The following SHISAL2A variants were observed in gnomAD, a reference collection of about 807,000 sequenced individuals.
The protein encoded by SHISAL2A is shisa like 2A.
A neutral mutation model predicts 11.5 loss-of-function variants in SHISAL2A; 18 were observed. That is an observed-to-expected ratio of 1.57 (90% CI 1.08 to 2.33). The LOEUF (loss-of-function observed/expected upper bound fraction) is 2.33. SHISAL2A is among the 30% of genes most tolerant of loss of function. The probability of loss-of-function intolerance (pLI) is 0.00; values close to 1 mark genes in which losing one functional copy is unlikely to be tolerated. For missense variants in SHISAL2A, 261 were observed against 250.9 expected, an observed-to-expected ratio of 1.04 and a Z score of -0.27; for synonymous variants, 94 against 99.6, an observed-to-expected ratio of 0.94 and a Z score of 0.34.
At chr1:52,657,716 G>A (rs1228027345), downstream of SHISAL2A, among the ~76,000 whole-genome samples, 6 of 152,162 alleles carry the variant, frequency 3.9e-5, no homozygotes, top group East Asian at 1.9e-4. Flanking sequence ...TTAGCCACAT[G>A]TGGTGGCTTA....
Position 52,642,919 on chromosome 1 carries a change from T to G in SHISAL2A, c.239T>G (p.Val80Gly). The change falls in exon 2 of 3, where the codon GTT becomes GGT. Residue 80 changes from valine (V) to glycine (G), a missense_variant. Physicochemically the swap from Val to Gly is moderately radical, Grantham distance 109. Transcript: ENST00000517870. ...GCAGTGGTTCTTCTCGCCTTCATTG[T>G]TACCGCCTGTGTGCTCTGCTACCTG... ...VAAVVLLAFI[V>G]TACVLCYLFI... 1.2e-6 allele frequency: 2 copies of G among 1,614,088 alleles called. No individual in the cohort carries two copies. The highest frequency in any genetic ancestry group is 1.7e-6 in the Non-Finnish European group (2 of 1,180,008).
At chr1:52,646,350 T>A (rs1691499664) in intron 2 of SHISAL2A, among the ~76,000 whole-genome samples, 2 of 152,164 alleles carry the variant, frequency 1.3e-5, no homozygotes, top group Admixed American at 6.6e-5. Flanking sequence ...TATAGGAATT[T>A]GTATAAAATG....
At chr1:52,659,041 GGT>G (rs141913792), downstream of SHISAL2A, among the ~76,000 whole-genome samples, 97,921 of 146,926 alleles carry the variant, frequency 0.67, 33,543 homozygotes, top group East Asian at 0.98. Context: ...TGGTGGTGGT[GGT>G]GTGTGTGTGT....
At chr1:52,640,564 G>A (rs1321099831) in intron 1 of SHISAL2A, among the ~76,000 whole-genome samples, 3 of 151,282 alleles carry the variant, frequency 2.0e-5, no homozygotes, top group Non-Finnish European at 4.4e-5. Context: ...CTGAAATCCC[G>A]CCTACCAGGG....
At chr1:52,655,142 C>T (rs900605790) in intron 2 of SHISAL2A, among the ~76,000 whole-genome samples, 1 of 151,728 alleles carries the variant, frequency 6.6e-6, no homozygotes, top group Admixed American at 6.6e-5. Context: ...GCTGAGATCA[C>T]GCCACTGCAC....
rs918776022 is a variant in SHISAL2A at position 52,649,239 on chromosome 1, T to G, written c.322+6237T>G. On this transcript the variant is annotated intron_variant, in intron 2 of 2. Transcript: ENST00000517870. ...ACTGTTGATAGACTTTCATTTCTGT[T>G]TGCTCTCTTGCGCTTCAATAGGACA... 1.1e-4 allele frequency among the ~76,000 whole-genome samples: 17 copies of G among 152,188 alleles called. 1 individual carries two copies. The highest frequency in any genetic ancestry group is 8.5e-4 in the Admixed American group (13 of 15,264).
chr1:52,667,279 G>A (rs60469040), intron 4 of SHISAL2A: 4,752 of 322,720 alleles, frequency 0.015, 218 homozygotes, highest in African/African-American at 0.1. Context: ...GTAAATGGGC[G>A]TAGTTAGTCA....
intron 1 of SHISAL2A, among the ~76,000 whole-genome samples, chr1:52,639,525 G>A (rs1373190639): frequency 2.0e-5 from 3 of 152,108 alleles, no homozygotes; most frequent in Admixed American, 6.5e-5. Flanking sequence ...AGGCCGAGGC[G>A]GGCGGATCAC....
At chr1:52,667,543 G>A (rs566672335) in exon 5 of SHISAL2A, 14 of 286,758 alleles carry the variant, frequency 4.9e-5, no homozygotes, top group African/African-American at 3.0e-4. Flanking sequence ...TCATTATGTT[G>A]CTTTTAGCTC....
chr1:52,644,737 G>A (rs1341957067), intron 2 of SHISAL2A, among the ~76,000 whole-genome samples: 1 of 149,874 alleles, frequency 6.7e-6, no homozygotes, highest in African/African-American at 2.5e-5. Flanking sequence ...AAAAAGTGGG[G>A]CCGGGTGCAG....
chr1:52,659,105 G>C (rs1212744926), downstream of SHISAL2A, among the ~76,000 whole-genome samples: 1 of 151,468 alleles, frequency 6.6e-6, no homozygotes, highest in Non-Finnish European at 1.5e-5. Flanking sequence ...GTCTCATTCT[G>C]TCACCAGGCT....
intron 4 of SHISAL2A, among the ~76,000 whole-genome samples, chr1:52,664,747 C>G (rs1279380560): frequency 6.6e-6 from 1 of 152,068 alleles, no homozygotes; most frequent in Admixed American, 6.6e-5. Context: ...CCGCCTGCCT[C>G]GGCCTCCCAA....
At chr1:52,646,886 G>C (rs1691513618) in intron 2 of SHISAL2A, among the ~76,000 whole-genome samples, 2 of 152,038 alleles carry the variant, frequency 1.3e-5, no homozygotes. Flanking sequence ...CTAGAGTGCG[G>C]TGGTGCGATC....
In SHISAL2A at chr1:52,642,736, T is replaced by A. The variant is rs76738606; in HGVS notation, c.183-127T>A. 4,038 of 1,051,226 alleles carry A rather than the reference T, an allele frequency of 3.8e-3. 99 individuals are homozygous for A. In the African/African-American group the frequency reaches 0.054, roughly 14 times the overall value. The allele number at this position is 1,051,226 out of a possible 1,614,324, so 65.1% of individuals were successfully genotyped here. A position where few individuals can be genotyped will look rare whatever the true frequency, so the allele number is the denominator to read the frequency against. ...ACTATGCCTGGCCTAAAATTTTTTT[T>A]AAATATTTTTATTCTGTACATTTTC... On this transcript the variant is annotated intron_variant, in intron 1 of 2. Transcript: ENST00000517870.
chr1:52,633,106 C>A (rs573572611), upstream of SHISAL2A, among the ~76,000 whole-genome samples: 20 of 152,314 alleles, frequency 1.3e-4, no homozygotes, highest in Non-Finnish European at 2.8e-4. The surrounding 1 kb of genome is among the most constrained non-coding windows in gnomAD (Gnocchi z 6.4). Flanking sequence ...GCTGTCGTTG[C>A]GCACCCAGCG....
intron 2 of SHISAL2A, among the ~76,000 whole-genome samples, chr1:52,648,056 TA>T (rs1691541675): frequency 1.1e-5 from 1 of 88,766 alleles, no homozygotes; most frequent in Admixed American, 1.5e-4. Context: ...ATAATATATA[TA>T]ATTATATATT....
chr1:52,664,075 T>C (rs1558095992), intron 4 of SHISAL2A, among the ~76,000 whole-genome samples: 2 of 152,186 alleles, frequency 1.3e-5, no homozygotes, highest in South Asian at 4.1e-4. Context: ...TTATACCAAA[T>C]AGAAGTGTTT....
chr1:52,660,832 A>G (rs1014958270), downstream of SHISAL2A, among the ~76,000 whole-genome samples: 1 of 152,206 alleles, frequency 6.6e-6, no homozygotes, highest in Non-Finnish European at 1.5e-5. Flanking sequence ...ATCTTGGCTA[A>G]ATGAGGTCCC....
intron 2 of SHISAL2A, among the ~76,000 whole-genome samples, chr1:52,655,703 A>G (rs945556926): frequency 1.3e-5 from 2 of 152,238 alleles, no homozygotes; most frequent in East Asian, 3.8e-4. Flanking sequence ...TTCATTAGTC[A>G]TTAAGGAAAT....
Sources: allele counts gnomAD v4.1 joint callset (sites outside exome capture counted in the v4.1 genomes callset), GRCh38; gene constraint gnomAD v4.1.1; non-coding constraint Gnocchi (gnomAD v3.1); transcripts MANE v1.5; gene names NCBI Gene and HGNC (gene_info 2026-07-23, HGNC 2026-07-21).